The following SLC35F3 variants were observed in gnomAD, a reference collection of about 807,000 sequenced individuals.
The protein encoded by SLC35F3 is solute carrier family 35 member F3.
Under a neutral mutation model 49.9 loss-of-function variants are expected in SLC35F3, and 25 were observed. The observed-to-expected ratio is 0.50, with a 90% CI of 0.37 to 0.70. The LOEUF is 0.70. Among genes scored for constraint, SLC35F3 ranks in the 30% least tolerant of loss-of-function variants. SLC35F3 has a pLI of 0.00. For missense variants in SLC35F3, 525 were observed against 639.8 expected, an observed-to-expected ratio of 0.82 and a Z score of 1.94; for synonymous variants, 275 against 265.4, an observed-to-expected ratio of 1.04 and a Z score of -0.35.
intron 3 of SLC35F3, among the ~76,000 whole-genome samples, chr1:234,256,608 C>A (rs981859197): frequency 9.8e-5 from 15 of 152,328 alleles, no homozygotes; most frequent in Admixed American, 7.8e-4. Context: ...TCTGGCCAGT[C>A]TATGAATGAT....
intron 6 of SLC35F3, among the ~76,000 whole-genome samples, chr1:234,319,706 T>TCAAAACAAAACAAAACAAAA (rs59381769): frequency 6.6e-5 from 10 of 151,420 alleles, no homozygotes; most frequent in African/African-American, 2.4e-4. Flanking sequence ...AGACTGTGCC[T>TCAAAACAAAACAAAACAAAA]CAAAACAAAA....
chr1:234,121,521 A>G (rs771678228), intron 2 of SLC35F3, among the ~76,000 whole-genome samples: 15 of 152,192 alleles, frequency 9.9e-5, no homozygotes, highest in Non-Finnish European at 2.2e-4. Context: ...GTAAAGCTGA[A>G]TAGTAATGAA....
intron 2 of SLC35F3, among the ~76,000 whole-genome samples, chr1:234,108,390 GAT>G (rs1169646221): frequency 1.6e-4 from 16 of 97,118 alleles, no homozygotes; most frequent in African/African-American, 6.0e-4. Flanking sequence ...ATATATAAAA[GAT>G]ATATATTTAT....
At chr1:234,163,684 C>T (rs866618148) in intron 2 of SLC35F3, among the ~76,000 whole-genome samples, 17 of 152,178 alleles carry the variant, frequency 1.1e-4, no homozygotes, top group African/African-American at 3.9e-4. Flanking sequence ...AGAACATGCA[C>T]CCAACAGATG....
intron 2 of SLC35F3, among the ~76,000 whole-genome samples, chr1:233,940,369 CAGAGAGAG>C (rs10579621): frequency 6.1e-5 from 9 of 146,966 alleles, no homozygotes; most frequent in Admixed American, 3.4e-4. Context: ...CACACACACA[CAGAGAGAG>C]AGAGAGAGAG....
chr1:233,978,327 G>A (rs1663123458), intron 2 of SLC35F3, among the ~76,000 whole-genome samples: 1 of 152,226 alleles, frequency 6.6e-6, no homozygotes, highest in Admixed American at 6.5e-5. Context: ...CTGATTGCAT[G>A]AACGTGATTC....
rs750804283 is a variant in SLC35F3, at chr1:233,905,774, G to T, written c.283+16G>T. The T allele has an allele frequency of 5.0e-6, 8 of 1,593,880 alleles. No individual in the cohort carries two copies. The African/African-American group carries it at 9.4e-5, about 19-fold the overall frequency. ...AGCTGCAAAAGTAAGACCCCCTCAC[G>T]TCATGTTTCCCGTTCACTGGTCCAT... is the stretch of plus-strand genomic sequence containing the variant. On this transcript the variant is annotated intron_variant, in intron 2 of 7. Transcript: ENST00000366618.
rs1661784700 is a variant in SLC35F3 at position 233,906,767 on chromosome 1, AT to A, written c.283+1010del. 2.0e-5 allele frequency among the ~76,000 whole-genome samples: 3 copies of A among 152,340 alleles called. 1 individual carries two copies. The highest frequency in any genetic ancestry group is 7.2e-5 in the African/African-American group (3 of 41,588). On this transcript the variant is annotated intron_variant, in intron 2 of 7. Transcript: ENST00000366618. ...TAATCATATTCATCACTAAAAAAAA[AT>A]GTCTATCTTTAGATTATTCCTAAAA... is the stretch of plus-strand genomic sequence containing the variant.
At chr1:234,152,618 A>G (rs1666092969) in intron 2 of SLC35F3, among the ~76,000 whole-genome samples, 1 of 152,078 alleles carries the variant, frequency 6.6e-6, no homozygotes, top group African/African-American at 2.4e-5. Flanking sequence ...TTCTTTATCC[A>G]TTCTATCATT....
At chr1:234,108,209 TTA>T (rs927777168) in intron 2 of SLC35F3, among the ~76,000 whole-genome samples, 1 of 81,212 alleles carries the variant, frequency 1.2e-5, no homozygotes, top group South Asian at 3.2e-4. Context: ...ATATATATAT[TTA>T]TATATATAAA....
At chr1:234,202,961 A>T (rs1362939905) in intron 2 of SLC35F3, among the ~76,000 whole-genome samples, 1 of 152,158 alleles carries the variant, frequency 6.6e-6, no homozygotes, top group African/African-American at 2.4e-5. Flanking sequence ...GTGGAAGAGC[A>T]ACCATGACTC....
intron 3 of SLC35F3, among the ~76,000 whole-genome samples, chr1:234,237,997 C>T (rs1402432413): frequency 2.0e-5 from 3 of 152,214 alleles, no homozygotes; most frequent in East Asian, 3.8e-4. Flanking sequence ...AGCCACTGCA[C>T]CCAGCCTTTC....
chr1:234,210,905 G>A (rs556535396), intron 2 of SLC35F3, among the ~76,000 whole-genome samples: 3 of 152,342 alleles, frequency 2.0e-5, no homozygotes, highest in African/African-American at 7.2e-5. Context: ...CGTGACAGAG[G>A]TCTTCACAAC....
chr1:234,105,294 G>A (rs138833183), intron 2 of SLC35F3, among the ~76,000 whole-genome samples: 15 of 152,278 alleles, frequency 9.9e-5, no homozygotes, highest in African/African-American at 3.6e-4. Flanking sequence ...TGGAGTCAAT[G>A]ATCAAGATGA....
intron 2 of SLC35F3, among the ~76,000 whole-genome samples, chr1:233,912,498 C>CA (rs763874534): frequency 1.1e-4 from 17 of 151,570 alleles, no homozygotes; most frequent in Non-Finnish European, 1.6e-4. Flanking sequence ...AACAAAGAAA[C>CA]AAACAAACAA....
At chr1:233,981,824 C>T (rs576806939) in intron 2 of SLC35F3, among the ~76,000 whole-genome samples, 7 of 152,352 alleles carry the variant, frequency 4.6e-5, no homozygotes, top group South Asian at 4.1e-4. Flanking sequence ...TCCTTGACAG[C>T]GTTTGATGTC....
chr1:234,100,896 G>C (rs186409794), intron 2 of SLC35F3, among the ~76,000 whole-genome samples: 25 of 152,262 alleles, frequency 1.6e-4, no homozygotes, highest in Admixed American at 7.2e-4. Context: ...TTCATGCCTC[G>C]ATTGCATATA....
chr1:233,925,492 T>A (rs1335265394), intron 2 of SLC35F3, among the ~76,000 whole-genome samples: 5 of 152,202 alleles, frequency 3.3e-5, no homozygotes, highest in Admixed American at 6.5e-5. Context: ...GCTTGGTAGA[T>A]CTTCCTCCAT....
intron 3 of SLC35F3, among the ~76,000 whole-genome samples, chr1:234,297,774 A>G (rs1668628079): frequency 1.3e-5 from 2 of 151,782 alleles, no homozygotes; most frequent in South Asian, 4.2e-4. Context: ...TTAAACTCAT[A>G]GAAGCAAGGA....
Sources: gnomAD v4.1 joint callset for allele counts (sites outside exome capture counted in the v4.1 genomes callset) on GRCh38, gnomAD v4.1.1 for gene constraint, MANE v1.5 for transcripts, NCBI Gene and HGNC (gene_info 2026-07-23, HGNC 2026-07-21) for gene names.